CPSF7: variants seen among roughly 807,000 people sequenced by gnomAD.
CPSF7 encodes cleavage and polyadenylation specificity factor subunit 7.
Under a neutral mutation model 44.3 loss-of-function variants are expected in CPSF7, and 1 was observed. That is an observed-to-expected ratio of 0.02 (90% CI 0.01 to 0.11). CPSF7 has a LOEUF of 0.11. Ranked by LOEUF, CPSF7 falls within the 10% of genes least tolerant of loss-of-function variation. The pLI, the probability that CPSF7 is intolerant of heterozygous loss-of-function variation, is 1.00. For missense variants in CPSF7, 443 were observed against 607.2 expected (o/e 0.73, Z 2.84); for synonymous variants, 202 against 222.0 (o/e 0.91, Z 0.80).
chr11:61,424,029 A>G (rs1009737133), intron 2 of CPSF7, among the ~76,000 whole-genome samples: 29 of 152,224 alleles, frequency 1.9e-4, no homozygotes, highest in African/African-American at 7.0e-4. Context: ...AACGTTAGAA[A>G]AAGAATATCA....
chr11:61,428,635 AATTTATTATACCAAAATGCCTGTGG>A (rs1296660074), intron 2 of CPSF7, among the ~76,000 whole-genome samples: 15 of 152,228 alleles, frequency 9.9e-5, no homozygotes, highest in Non-Finnish European at 1.5e-5. Flanking sequence ...TAACCAATAC[AATTTATTATACCAAAATGCCTGTGG>A]ACTTCTCATG....
intron 9 of CPSF7, among the ~76,000 whole-genome samples, chr11:61,410,229 C>G (rs1859734253): frequency 6.6e-6 from 1 of 152,020 alleles, no homozygotes; most frequent in Non-Finnish European, 1.5e-5. Context: ...TCCTAAGTAG[C>G]TGGGACCACC....
rs554361666 is a variant in CPSF7 at position 61,423,746 on chromosome 11, T to C, written c.55-2138A>G. Among the ~76,000 whole-genome samples the C allele has an allele frequency of 1.1e-3, 169 of 152,318 alleles. 1 individual carries two copies. Among genetic ancestry groups the C allele is most frequent in the African/African-American group, 3.5e-3 (144 of 41,582 alleles). ...CTCCCTTAACTTTCTCCCTCCAATA[T>C]CACGGCAATAACTGCTAATTCTGAA... On this transcript the variant is annotated intron_variant, in intron 2 of 9. Coordinates refer to ENST00000439958, the MANE Select transcript of CPSF7 (RefSeq NM_001142565.3).
At chr11:61,420,221 C>T (rs1860738070) in intron 4 of CPSF7, 127 bp from the exon 5 acceptor site, 1 of 756,870 alleles carries the variant, frequency 1.3e-6, no homozygotes, top group African/African-American at 1.8e-5. Flanking sequence ...AACACACATA[C>T]AGCACTAACA....
chr11:61,429,878 C>T (rs1171734341), intron 1 of CPSF7, 36 bp downstream of exon 1: 2 of 1,530,746 alleles, frequency 1.3e-6, no homozygotes, highest in Middle Eastern at 1.7e-4. Context: ...ACCCCTCTTC[C>T]GGCCCAACCT....
intron 7 of CPSF7, among the ~76,000 whole-genome samples, chr11:61,412,592 GTTGT>G (rs1353674456): frequency 2.6e-5 from 4 of 152,092 alleles, no homozygotes; most frequent in African/African-American, 7.2e-5. Context: ...CCCGGCCAGT[GTTGT>G]TTGTTATATT....
At position 61,415,565 on chromosome 11, in the gene CPSF7, C is replaced by G. The variant is rs537170909; in HGVS notation, c.1057+101G>C. ...TATGCCGCTCTTGATATCTACAGTA[C>G]TCCAACTTTATCTTGTTGAACTTTT... On this transcript the variant is annotated intron_variant, in intron 7 of 9. Coordinates refer to ENST00000439958, the MANE Select transcript of CPSF7 (RefSeq NM_001142565.3). 287 of 785,200 alleles carry G rather than the reference C, an allele frequency of 3.7e-4. 4 individuals are homozygous for G. In the South Asian group the frequency reaches 4.3e-3, roughly 12 times the overall value. 48.6% of individuals were successfully genotyped at this position (785,200 alleles called of 1,614,324 possible).
At chr11:61,424,856 G>A (rs1446964554) in intron 2 of CPSF7, among the ~76,000 whole-genome samples, 2 of 152,152 alleles carry the variant, frequency 1.3e-5, no homozygotes, top group African/African-American at 4.8e-5. Context: ...TCCCTTCCAT[G>A]CAGTATCTGT....
chr11:61,406,861 G>C (rs1859375400), intron 9 of CPSF7, among the ~76,000 whole-genome samples: 1 of 152,002 alleles, frequency 6.6e-6, no homozygotes, highest in Non-Finnish European at 1.5e-5. Context: ...TCCCACCTAA[G>C]TGCCCCCAAG....
At position 61,402,952 on chromosome 11, in the gene CPSF7, T is replaced by TA. The variant is rs1334250848; in HGVS notation, c.*1757_*1758insT. On this transcript the variant is annotated 3_prime_UTR_variant, in exon 10 of 10. Transcript: ENST00000439958. ...CGGCATTTCTGGTATTCTATATATA[T>TA]TTTTCCTTAAACTGTCACCTTTTCT... 1.3e-5 allele frequency: 2 copies of TA among 150,828 alleles called. No individual in the cohort carries two copies. The highest frequency in any genetic ancestry group is 1.3e-4 in the Admixed American group (2 of 15,260). The allele number at this position is 150,828 out of a possible 1,614,324, so 9.3% of individuals were successfully genotyped here. A position where few individuals can be genotyped will look rare whatever the true frequency, so the allele number is the denominator to read the frequency against.
rs1181220124 is a variant in CPSF7 at position 61,420,533 on chromosome 11, A to G, written c.314T>C (p.Ile105Thr). Residue 105 changes from isoleucine (I) to threonine (T), a missense_variant, in exon 4 of 10, where the codon ATA (isoleucine) becomes ACA (threonine). Physicochemically the swap from Ile to Thr is moderately conservative, Grantham distance 89. Coordinates refer to ENST00000439958, the MANE Select transcript of CPSF7 (RefSeq NM_001142565.3). ...DQQLIQVIRSIGVYDVVELKF... is the reference protein window; with the variant it reads ...DQQLIQVIRSTGVYDVVELKF... ...CAACTCCACCACATCATAGACTCCT[A>G]TAGAGCGAATAACCTGGATCAGCTG... 1.9e-6 allele frequency: 3 copies of G among 1,614,154 alleles called. No individual in the cohort carries two copies. The highest frequency in any genetic ancestry group is 2.5e-6 in the Non-Finnish European group (3 of 1,180,014).
intron 4 of CPSF7, 77 bp from the exon 5 acceptor site, chr11:61,420,171 T>C (rs1860733695): frequency 8.1e-7 from 1 of 1,239,512 alleles, no homozygotes; most frequent in Non-Finnish European, 1.1e-6. Context: ...CTTCCACTTT[T>C]AGTAAAAATT....
chr11:61,416,729 T>C (rs1246666834), intron 5 of CPSF7, among the ~76,000 whole-genome samples: 1 of 152,078 alleles, frequency 6.6e-6, no homozygotes. Context: ...TCGTCCTAAA[T>C]CCTGTCAAAG....
chr11:61,421,655 G>A (rs1860890989), intron 2 of CPSF7, 47 bp from the exon 3 acceptor site: 1 of 1,335,328 alleles, frequency 7.5e-7, no homozygotes, highest in South Asian at 1.2e-5. Context: ...ACTTCATTTT[G>A]TTCATTCTAT....
At chr11:61,424,028 A>C (rs1229408752) in intron 2 of CPSF7, among the ~76,000 whole-genome samples, 1 of 152,214 alleles carries the variant, frequency 6.6e-6, no homozygotes, top group Non-Finnish European at 1.5e-5. Context: ...AAACGTTAGA[A>C]AAAGAATATC....
intron 5 of CPSF7, among the ~76,000 whole-genome samples, chr11:61,418,585 C>T (rs1860554691): frequency 6.6e-6 from 1 of 152,110 alleles, no homozygotes; most frequent in South Asian, 2.1e-4. Flanking sequence ...GAATTCTCTT[C>T]CTAGTAGGAG....
chr11:61,410,934 C>T lies in CPSF7; in HGVS notation c.*5+4G>A, dbSNP rs745966296. 6.3e-7 allele frequency: 1 copy of T among 1,584,808 alleles called. No homozygotes were observed. Among genetic ancestry groups the T allele is most frequent in the African/African-American group, 1.4e-5 (1 of 73,046 alleles). On this transcript the variant is annotated splice_donor_region_variant and intron_variant, in intron 9 of 9. Transcript: ENST00000439958. ...CAGCAGCCAGGAACGGGGCTTCTCC[C>T]CACCTTTCTCAGTGGTGCCGGTCCC... is the stretch of plus-strand genomic sequence containing the variant.
At chr11:61,414,424 A>G (rs1022620578) in intron 7 of CPSF7, among the ~76,000 whole-genome samples, 9 of 152,200 alleles carry the variant, frequency 5.9e-5, no homozygotes, top group African/African-American at 9.6e-5. Context: ...CTGGGACTAC[A>G]GGCATGAGCC....
At chr11:61,419,151 T>TA (rs1860620669) in intron 5 of CPSF7, among the ~76,000 whole-genome samples, 1 of 152,144 alleles carries the variant, frequency 6.6e-6, no homozygotes, top group African/African-American at 2.4e-5. Context: ...GTCTCCCGTG[T>TA]AGCTGGGATT....
Sources: gnomAD v4.1 joint callset for allele counts (sites outside exome capture counted in the v4.1 genomes callset) on GRCh38, gnomAD v4.1.1 for gene constraint, MANE v1.5 for transcripts, NCBI Gene and HGNC (gene_info 2026-07-23, HGNC 2026-07-21) for gene names.